RBFOX1: variants seen among roughly 807,000 people sequenced by gnomAD.
The protein encoded by RBFOX1 is RNA binding protein fox-1 homolog 1.
Under a neutral mutation model 57.7 loss-of-function variants are expected in RBFOX1, and 8 were observed. The ratio of observed to expected loss-of-function variants is 0.14; its 90% confidence interval spans 0.08 to 0.25. RBFOX1 has a LOEUF of 0.25. Ranked by LOEUF, RBFOX1 falls within the 10% of genes least tolerant of loss-of-function variation. The pLI is 1.00. For synonymous variants in RBFOX1, 326 were observed against 222.4 expected, an observed-to-expected ratio of 1.47 and a Z score of -4.15; for missense variants, 611 against 548.5, an observed-to-expected ratio of 1.11 and a Z score of -1.14.
At chr16:5,786,700 C>T (rs1229621413) in intron 3 of RBFOX1, among the ~76,000 whole-genome samples, 19 of 152,188 alleles carry the variant, frequency 1.2e-4, no homozygotes, top group Non-Finnish European at 1.5e-5. Context: ...CTCTTTCCTG[C>T]TTTCACCAGG....
At chr16:7,469,128 G>A (rs1184877889) in intron 4 of RBFOX1, among the ~76,000 whole-genome samples, 2 of 152,098 alleles carry the variant, frequency 1.3e-5, no homozygotes, top group Non-Finnish European at 2.9e-5. Flanking sequence ...TAGAGACGGG[G>A]TTTGACCGTG....
chr16:5,744,083 A>T (rs1048729741), intron 3 of RBFOX1, among the ~76,000 whole-genome samples: 2 of 151,962 alleles, frequency 1.3e-5, no homozygotes, highest in Admixed American at 1.3e-4. Flanking sequence ...TTTCATATAA[A>T]TTTTCAACTA....
chr16:5,876,276 A>C (rs1181810277), intron 4 of RBFOX1, among the ~76,000 whole-genome samples: 1 of 143,732 alleles, frequency 7.0e-6, no homozygotes. Context: ...CGCCTGCCTT[A>C]TCTTATTTAA....
At chr16:7,157,350 A>G (rs745920907) in intron 4 of RBFOX1, among the ~76,000 whole-genome samples, 1 of 152,156 alleles carries the variant, frequency 6.6e-6, no homozygotes, top group African/African-American at 2.4e-5. Context: ...ATGAGATACC[A>G]TTTCAATTTG....
At chr16:5,830,026 T>G (rs1014648110) in intron 3 of RBFOX1, among the ~76,000 whole-genome samples, 1 of 152,210 alleles carries the variant, frequency 6.6e-6, no homozygotes, top group Non-Finnish European at 1.5e-5. Flanking sequence ...TACATTCAAA[T>G]AGCCATGACA....
At chr16:7,603,336 A>C (rs2095136454) in intron 9 of RBFOX1, among the ~76,000 whole-genome samples, 1 of 152,172 alleles carries the variant, frequency 6.6e-6, no homozygotes, top group South Asian at 2.1e-4. Context: ...TTGCCAAACA[A>C]CATTTTAGGT....
At chr16:7,320,195 T>C (rs993518961) in intron 4 of RBFOX1, among the ~76,000 whole-genome samples, 3 of 152,142 alleles carry the variant, frequency 2.0e-5, no homozygotes, top group East Asian at 1.9e-4. Flanking sequence ...TTAAGCCCCA[T>C]GTTCATCAGC....
In RBFOX1 at chr16:6,636,806, A is replaced by AATATATAAT. The variant is rs1555635364; in HGVS notation, c.-63-17791_-63-17783dup. ...ATAATATATAATATATGTTATATAT[A>AATATATAAT]ATATATAATATATAATATATGTTAT... On this transcript the variant is annotated intron_variant, in intron 2 of 15. Coordinates refer to ENST00000550418, the MANE Select transcript of RBFOX1 (RefSeq NM_018723.4). Among the ~76,000 whole-genome samples, 26 of 10,328 alleles carry AATATATAAT rather than the reference A, an allele frequency of 2.5e-3. 1 individual carries two copies. The highest frequency in any genetic ancestry group is 4.1e-3 in the Admixed American group (2 of 486). The allele number at this position is 10,328 out of a possible 152,430, so 6.8% of individuals were successfully genotyped here.
At chr16:6,706,364 A>C (rs753845987) in intron 3 of RBFOX1, among the ~76,000 whole-genome samples, 2 of 152,182 alleles carry the variant, frequency 1.3e-5, no homozygotes, top group African/African-American at 4.8e-5. Flanking sequence ...CTGTTATGCA[A>C]TGTAGCAGCC....
Position 6,989,647 on chromosome 16 carries a change from G to A in RBFOX1, c.-15-62410G>A, listed in dbSNP as rs552031340. Among the ~76,000 whole-genome samples the A allele has an allele frequency of 3.9e-5, 6 of 152,244 alleles. No individual in the cohort carries two copies. The South Asian group carries it at 1.2e-3, about 32-fold the overall frequency. On this transcript the variant is annotated intron_variant, in intron 3 of 15. Transcript: ENST00000550418. ...CTCTGCAGACTGTCTGGAGAATAAA[G>A]AAACAAAGGAACAGAAGCTACTTGG...
chr16:6,100,699 C>T (rs911092310), intron 1 of RBFOX1, among the ~76,000 whole-genome samples: 2 of 152,112 alleles, frequency 1.3e-5, no homozygotes, highest in South Asian at 4.1e-4. Context: ...AATATAGAGA[C>T]TATTATTGTT....
intron 3 of RBFOX1, among the ~76,000 whole-genome samples, chr16:5,629,662 T>C (rs1046606565): frequency 6.6e-6 from 1 of 152,194 alleles, no homozygotes; most frequent in Non-Finnish European, 1.5e-5. Flanking sequence ...TAATAGTTGC[T>C]CTGAGCCTTG....
intron 3 of RBFOX1, among the ~76,000 whole-genome samples, chr16:6,661,081 A>T (rs1457801777): frequency 6.6e-6 from 1 of 152,202 alleles, no homozygotes; most frequent in Non-Finnish European, 1.5e-5. Context: ...GGGAGCTGTT[A>T]TTCAGCTAAA....
At chr16:6,264,377 G>A (rs190076597) in intron 1 of RBFOX1, among the ~76,000 whole-genome samples, 3,856 of 152,202 alleles carry the variant, frequency 0.025, 110 homozygotes, top group African/African-American at 0.069. Context: ...TCATCAAAGT[G>A]GCTGTTGCCC....
intron 4 of RBFOX1, among the ~76,000 whole-genome samples, chr16:5,891,918 C>T (rs1186859515): frequency 6.6e-6 from 1 of 152,204 alleles, no homozygotes; most frequent in Non-Finnish European, 1.5e-5. Flanking sequence ...AAGCCGCTTC[C>T]TCAGTGAGAT....
At chr16:7,249,276 C>T (rs1460296549) in intron 4 of RBFOX1, among the ~76,000 whole-genome samples, 1 of 151,692 alleles carries the variant, frequency 6.6e-6, no homozygotes, top group Non-Finnish European at 1.5e-5. Flanking sequence ...TTTTTCTTTC[C>T]TTCTTTTCTT....
chr16:7,518,475 A>G, intron 5 of RBFOX1, 86 bp downstream of exon 5: 3 of 1,498,076 alleles, frequency 2.0e-6, no homozygotes, highest in Non-Finnish European at 2.7e-6. Flanking sequence ...ACCCCCATCT[A>G]CCCAGGGACT....
At chr16:6,313,531 C>G (rs546337339) in intron 1 of RBFOX1, among the ~76,000 whole-genome samples, 1 of 152,244 alleles carries the variant, frequency 6.6e-6, no homozygotes, top group African/African-American at 2.4e-5. Context: ...TCTGGCTGTC[C>G]AAGGGTCATC....
At chr16:6,951,874 C>G (rs1199916978) in intron 3 of RBFOX1, among the ~76,000 whole-genome samples, 1 of 151,702 alleles carries the variant, frequency 6.6e-6, no homozygotes, top group Non-Finnish European at 1.5e-5. Flanking sequence ...GCTGGGATTA[C>G]AGGCATATGC....
Sources: allele counts gnomAD v4.1 joint callset (sites outside exome capture counted in the v4.1 genomes callset), GRCh38; gene constraint gnomAD v4.1.1; transcripts MANE v1.5; gene names NCBI Gene and HGNC (gene_info 2026-07-23, HGNC 2026-07-21).